The following GRIP1 variants were observed in gnomAD, a reference collection of about 807,000 sequenced individuals.
The protein encoded by GRIP1 is glutamate receptor-interacting protein 1.
A neutral mutation model predicts 129.9 loss-of-function variants in GRIP1; 45 were observed. That is an observed-to-expected ratio of 0.35 (90% CI 0.27 to 0.44). The LOEUF (loss-of-function observed/expected upper bound fraction) is 0.44, where lower values mean the gene tolerates loss of function less well. Ranked by LOEUF, GRIP1 falls within the 20% of genes least tolerant of loss-of-function variation. The pLI is 1.00. For synonymous variants in GRIP1, 530 were observed against 520.8 expected, an observed-to-expected ratio of 1.02 and a Z score of -0.24; for missense variants, 1,196 against 1,396.8, an observed-to-expected ratio of 0.86 and a Z score of 2.29.
At chr12:66,785,029 G>A (rs2038277340) in intron 1 of GRIP1, among the ~76,000 whole-genome samples, 1 of 151,942 alleles carries the variant, frequency 6.6e-6, no homozygotes, top group South Asian at 2.1e-4. Context: ...TCTGAAAGCT[G>A]ATTTTTAAAT....
rs879811165 is a variant in GRIP1, at chr12:66,983,031, A to C, written c.58+86019T>G. 3.2e-4 allele frequency among the ~76,000 whole-genome samples: 48 copies of C among 152,084 alleles called. 1 individual carries two copies. Among genetic ancestry groups the C allele is most frequent in the Non-Finnish European group, 6.2e-4 (42 of 68,022 alleles). ...ATTAGCTTCTGGCACTTTTCCCTCCACCTTTTTCCTTCCTGAAATGTAGAT... is the reference window on the plus strand; with the variant it reads ...ATTAGCTTCTGGCACTTTTCCCTCCCCCTTTTTCCTTCCTGAAATGTAGAT... On this transcript the variant is annotated intron_variant, in intron 1 of 1. Transcript: ENST00000643019.
Position 66,465,280 on chromosome 12 carries a change from T to C in GRIP1, c.867A>G (p.Ala289=), listed in dbSNP as rs752886611. The change falls in exon 8 of 25, where the codon GCA becomes GCG. Residue 289 remains alanine (A), a synonymous_variant. Coordinates refer to ENST00000359742, the MANE Select transcript of GRIP1 (RefSeq NM_001366722.1). ...VIDKIKSASI[A]DRCGALHVGD... ...GCACTTTCTACAATACTTACCTGTC[T>C]GCAATACTTGCAGATTTGATTTTGT... The C allele has an allele frequency of 6.2e-7, 1 of 1,613,680 alleles. No homozygotes were observed. The highest frequency in any genetic ancestry group is 2.2e-5 in the East Asian group (1 of 44,858).
chr12:66,489,459 T>C (rs7306349), intron 7 of GRIP1, among the ~76,000 whole-genome samples: 103,693 of 151,994 alleles, frequency 0.68, 35,797 homozygotes, highest in Middle Eastern at 0.85. Flanking sequence ...ATTGAAAGAA[T>C]ATACATCAAA....
At chr12:66,862,712 C>T (rs913614695) in intron 1 of GRIP1, among the ~76,000 whole-genome samples, 9 of 151,938 alleles carry the variant, frequency 5.9e-5, no homozygotes, top group Non-Finnish European at 1.0e-4. Flanking sequence ...AGTCCCTCCC[C>T]AACAGAGCTT....
At chr12:66,747,440 T>C (rs1429458300) in intron 1 of GRIP1, among the ~76,000 whole-genome samples, 2 of 152,156 alleles carry the variant, frequency 1.3e-5, no homozygotes, top group East Asian at 3.8e-4. Flanking sequence ...ACTCAAAATG[T>C]AAGTTACATC....
At chr12:66,971,223 T>A (rs2042071764) in intron 1 of GRIP1, among the ~76,000 whole-genome samples, 1 of 152,104 alleles carries the variant, frequency 6.6e-6, no homozygotes. Context: ...TTTCTTCAGA[T>A]TTTGGGGTGG....
intron 1 of GRIP1, among the ~76,000 whole-genome samples, chr12:66,930,352 C>A (rs898311540): frequency 6.8e-6 from 1 of 146,658 alleles, no homozygotes; most frequent in Non-Finnish European, 1.5e-5. Flanking sequence ...TGAGAACATG[C>A]GATGTTTGGT....
chr12:66,363,126 TAC>T (rs1216833852), intron 23 of GRIP1, among the ~76,000 whole-genome samples: 1 of 144,772 alleles, frequency 6.9e-6, no homozygotes, highest in East Asian at 2.0e-4. Flanking sequence ...TATATATATA[TAC>T]ACACACACAT....
intron 2 of GRIP1, among the ~76,000 whole-genome samples, chr12:66,593,796 C>T (rs982271454): frequency 3.4e-4 from 51 of 151,988 alleles, no homozygotes; most frequent in African/African-American, 1.1e-3. Context: ...CGGCTGGGCA[C>T]GGTGGCTCAC....
chr12:66,473,744 G>C (rs996248545), intron 7 of GRIP1, among the ~76,000 whole-genome samples: 2 of 152,290 alleles, frequency 1.3e-5, no homozygotes, highest in South Asian at 2.1e-4. Context: ...GAGGGGCCTG[G>C]CTGTTAGAAG....
At chr12:66,997,789 G>T (rs1371127552) in intron 1 of GRIP1, among the ~76,000 whole-genome samples, 2 of 152,066 alleles carry the variant, frequency 1.3e-5, no homozygotes, top group Admixed American at 6.6e-5. Flanking sequence ...TTATCCAAAG[G>T]TCACACAACT....
rs565558616 is a variant in GRIP1 at position 66,831,551 on chromosome 12, C to T, written c.59-234624G>A. 8.5e-5 allele frequency among the ~76,000 whole-genome samples: 13 copies of T among 152,250 alleles called. 1 individual carries two copies. In the South Asian group the frequency reaches 2.1e-3, roughly 24 times the overall value. On this transcript the variant is annotated intron_variant, in intron 1 of 1. Coordinates refer to the GRIP1 transcript ENST00000643019. ...TAATGAGTATATGCTTTATGTGTGTCCTCACAAGCAACACTTCAAAGCCGG... is the reference window on the plus strand; with the variant it reads ...TAATGAGTATATGCTTTATGTGTGTTCTCACAAGCAACACTTCAAAGCCGG...
At chr12:66,953,357 T>G (rs1414176591) in intron 1 of GRIP1, among the ~76,000 whole-genome samples, 1 of 152,182 alleles carries the variant, frequency 6.6e-6, no homozygotes, top group African/African-American at 2.4e-5. Context: ...CCATCATTCA[T>G]TCAGGACTTA....
In GRIP1 at chr12:66,348,822, A is replaced by G; in HGVS notation, c.*197T>C. On this transcript the variant is annotated 3_prime_UTR_variant, in exon 25 of 25. Coordinates refer to ENST00000359742, the MANE Select transcript of GRIP1 (RefSeq NM_001366722.1). Reference sequence around the variant, plus strand: ...CAGGGCATTGCCCACCATATACCATAGTGGTCACCAAAAAAGAAACCTCTT... The same window carrying G: ...CAGGGCATTGCCCACCATATACCATGGTGGTCACCAAAAAAGAAACCTCTT... 1.6e-6 allele frequency: 1 copy of G among 619,736 alleles called. No individual in the cohort carries two copies. 38.4% of individuals were successfully genotyped at this position (619,736 alleles called of 1,614,324 possible).
chr12:66,645,642 AAGT>A (rs1337742603), intron 1 of GRIP1, among the ~76,000 whole-genome samples: 1 of 152,222 alleles, frequency 6.6e-6, no homozygotes, highest in Non-Finnish European at 1.5e-5. Context: ...AAAGTTTTGG[AAGT>A]ATAAAATTAA....
chr12:66,620,159 G>T (rs2065206475), intron 1 of GRIP1, among the ~76,000 whole-genome samples: 1 of 152,174 alleles, frequency 6.6e-6, no homozygotes. Flanking sequence ...CAAATTGTGT[G>T]CTCCACACAT....
At chr12:66,641,188 G>A (rs2031891952) in intron 1 of GRIP1, among the ~76,000 whole-genome samples, 1 of 152,086 alleles carries the variant, frequency 6.6e-6, no homozygotes, top group South Asian at 2.1e-4. Context: ...GGAAATGGTA[G>A]TAACTGAGAC....
chr12:66,667,697 G>A (rs2033871964), intron 1 of GRIP1, among the ~76,000 whole-genome samples: 1 of 152,078 alleles, frequency 6.6e-6, no homozygotes, highest in Non-Finnish European at 1.5e-5. Context: ...AAATGGGGAG[G>A]GCTTTCTTGG....
chr12:66,514,415 A>G (rs2060786068), intron 7 of GRIP1, among the ~76,000 whole-genome samples: 1 of 152,162 alleles, frequency 6.6e-6, no homozygotes, highest in Admixed American at 6.5e-5. Context: ...AATAAGGCAC[A>G]GGGAAATCAA....
Sources: allele counts gnomAD v4.1 joint callset (sites outside exome capture counted in the v4.1 genomes callset), GRCh38; gene constraint gnomAD v4.1.1; transcripts MANE v1.5; gene names NCBI Gene and HGNC (gene_info 2026-07-23, HGNC 2026-07-21).